Variants in FLT3 observed in about 807,000 individuals in gnomAD.
FLT3 encodes receptor-type tyrosine-protein kinase FLT3.
In FLT3, 46 loss-of-function variants were observed where a neutral mutation model predicts 126.6. The observed-to-expected ratio is 0.36, with a 90% confidence interval of 0.29 to 0.46. The LOEUF (loss-of-function observed/expected upper bound fraction) is 0.46. Ranked by LOEUF, FLT3 falls within the 20% of genes least tolerant of loss-of-function variation. The probability of loss-of-function intolerance (pLI) is 1.00; values close to 1 mark genes in which losing one functional copy is unlikely to be tolerated. For missense variants in FLT3, 1,069 were observed against 1,190.3 expected, an observed-to-expected ratio of 0.90 and a Z score of 1.50; for synonymous variants, 404 against 434.4, an observed-to-expected ratio of 0.93 and a Z score of 0.87.
chr13:28,059,375 G>C (rs1876330148), intron 3 of FLT3, among the ~76,000 whole-genome samples: 1 of 152,134 alleles, frequency 6.6e-6, no homozygotes, highest in African/African-American at 2.4e-5. Context: ...GCATTTAATT[G>C]ACCTATGTCC....
Position 28,032,496 on chromosome 13 carries a change from C to G in FLT3, c.1942+1391G>C, listed in dbSNP as rs1036711061. ...ATGGTGGCGCATGCCTGTAGTCCCC[C>G]CTACTCAGGGGCCTGAAGTGGGAGG... On this transcript the variant is annotated intron_variant, in intron 15 of 23. Coordinates refer to ENST00000241453, the MANE Select transcript of FLT3 (RefSeq NM_004119.3). Among the ~76,000 whole-genome samples, 5 of 152,114 alleles carry G rather than the reference C, an allele frequency of 3.3e-5. No individual in the cohort carries two copies. In the East Asian group the frequency reaches 7.7e-4, roughly 24 times the overall value.
At chr13:28,058,014 G>T (rs1876163743) in intron 3 of FLT3, among the ~76,000 whole-genome samples, 1 of 151,656 alleles carries the variant, frequency 6.6e-6, no homozygotes, top group African/African-American at 2.4e-5. Flanking sequence ...ACTCCAGCCT[G>T]GGTGACAAGA....
At chr13:28,043,060 C>A (rs559707670) in intron 9 of FLT3, among the ~76,000 whole-genome samples, 12 of 152,062 alleles carry the variant, frequency 7.9e-5, no homozygotes, top group Non-Finnish European at 1.3e-4. Context: ...TTAGTGCCTA[C>A]TGTGGGCAAA....
intron 19 of FLT3, among the ~76,000 whole-genome samples, chr13:28,019,116 C>T (rs1025591224): frequency 5.9e-5 from 9 of 151,982 alleles, no homozygotes; most frequent in African/African-American, 9.7e-5. Context: ...TACAGGCACG[C>T]GCCACCAGGC....
Position 28,033,948 on chromosome 13 carries a change from T to C in FLT3, c.1881A>G (p.Ala627=). The change falls in exon 15 of 24, where the codon GCA becomes GCG. Residue 627 remains alanine (A), a synonymous_variant. Transcript: ENST00000241453. ...CTGTTTTGCTAATTCCATAAGCTGT[T>C]GCGTTCATCACTTTTCCAAAAGCAC... ...GSGAFGKVMN[A]TAYGISKTGV... 4 of 1,614,230 alleles carry C rather than the reference T, an allele frequency of 2.5e-6. No homozygotes were observed. The highest frequency in any genetic ancestry group is 3.4e-6 in the Non-Finnish European group (4 of 1,180,040).
At chr13:28,065,112 T>C (rs9554229) in intron 2 of FLT3, among the ~76,000 whole-genome samples, 27,557 of 152,122 alleles carry the variant, frequency 0.18, 2,596 homozygotes, top group Middle Eastern at 0.24. Context: ...CTATGCTATG[T>C]AAGAAAGAGG....
At chr13:28,045,903 T>A (rs1342302149) in intron 9 of FLT3, among the ~76,000 whole-genome samples, 2 of 126,258 alleles carry the variant, frequency 1.6e-5, no homozygotes, top group South Asian at 2.8e-4. Context: ...TTACGATGAC[T>A]GTGGGTTGAT....
In FLT3 at chr13:28,030,734, T is replaced by TAAATA. The variant is rs1245833180; in HGVS notation, c.1943-2451_1943-2447dup. ...ATAAAATAAAGTAAAAATACATAAATAAATAAAATAAAATAAAATAAAAAT... is the reference window on the plus strand; with the variant it reads ...ATAAAATAAAGTAAAAATACATAAATAAATAAAATAAAATAAAATAAAATAAAAAT... On this transcript the variant is annotated intron_variant, in intron 15 of 23. Transcript: ENST00000241453. Among the ~76,000 whole-genome samples the TAAATA allele has an allele frequency of 9.1e-3, 1,373 of 151,568 alleles. 25 individuals are homozygous for TAAATA. The highest frequency in any genetic ancestry group is 0.032 in the African/African-American group (1,306 of 41,290).
chr13:28,073,369 A>T (rs1222137298), intron 1 of FLT3: 1 of 393,412 alleles, frequency 2.5e-6, no homozygotes, highest in Admixed American at 3.4e-5. Context: ...AAAAAAAAAA[A>T]GCATTTTTTA....
At chr13:28,043,254 T>A (rs969332392) in intron 9 of FLT3, among the ~76,000 whole-genome samples, 3 of 151,942 alleles carry the variant, frequency 2.0e-5, no homozygotes, top group Non-Finnish European at 4.4e-5. Context: ...ATTAAGTCTG[T>A]AGAGATAGGA....
chr13:28,006,728 CTTTTTTT>C (rs753656559), intron 23 of FLT3, among the ~76,000 whole-genome samples: 1 of 132,900 alleles, frequency 7.5e-6, no homozygotes, highest in Non-Finnish European at 1.6e-5. Context: ...CCTTTCTTTC[CTTTTTTT>C]TTTTTTTTTT....
chr13:28,093,044 C>T (rs1029725173), intron 1 of FLT3, among the ~76,000 whole-genome samples: 6 of 151,500 alleles, frequency 4.0e-5, no homozygotes, highest in Admixed American at 4.0e-4. Flanking sequence ...GCCTCAGCCT[C>T]CCTAGTAGCT....
At chr13:28,005,528 C>A (rs1870805385) in intron 23 of FLT3, among the ~76,000 whole-genome samples, 1 of 152,040 alleles carries the variant, frequency 6.6e-6, no homozygotes, top group East Asian at 1.9e-4. Flanking sequence ...AGGATGGCCA[C>A]ATATTTTTTT....
intron 1 of FLT3, among the ~76,000 whole-genome samples, chr13:28,086,929 G>T (rs1455507839): frequency 6.6e-6 from 1 of 151,866 alleles, no homozygotes; most frequent in Non-Finnish European, 1.5e-5. Flanking sequence ...TTGCAGGCAT[G>T]AACCACCATG....
chr13:28,032,937 A>C (rs1175884192), intron 15 of FLT3, among the ~76,000 whole-genome samples: 1 of 152,176 alleles, frequency 6.6e-6, no homozygotes, highest in Admixed American at 6.5e-5. Flanking sequence ...TTGCTGGGTC[A>C]GCGGTGGTAA....
At position 28,081,871 on chromosome 13, in the gene FLT3, T is replaced by G. The variant is rs867138546; in HGVS notation, c.44-11259A>C. Among the ~76,000 whole-genome samples, 767 of 132,340 alleles carry G rather than the reference T, an allele frequency of 5.8e-3. 16 individuals are homozygous for G. Among genetic ancestry groups the G allele is most frequent in the African/African-American group, 0.02 (726 of 36,812 alleles). The allele number at this position is 132,340 out of a possible 152,430, so 86.8% of individuals were successfully genotyped here. A position where few individuals can be genotyped will look rare whatever the true frequency, so the allele number is the denominator to read the frequency against. On this transcript the variant is annotated intron_variant, in intron 1 of 23. Transcript: ENST00000241453. Reference sequence around the variant, plus strand: ...TTTTTTTTTTTTTTTTTTTTTTTTTTTGTGAGACACAGTCTTGCTCTGTCG... The same window carrying G: ...TTTTTTTTTTTTTTTTTTTTTTTTTGTGTGAGACACAGTCTTGCTCTGTCG...
chr13:28,015,488 CAAGT>C, intron 21 of FLT3, 98 bp downstream of exon 21: 1 of 683,136 alleles, frequency 1.5e-6, no homozygotes, highest in South Asian at 1.7e-5. Context: ...GGCTGCAATA[CAAGT>C]AAGACCCATC....
chr13:28,097,497 T>C (rs2137838394), intron 1 of FLT3, among the ~76,000 whole-genome samples: 1 of 151,274 alleles, frequency 6.6e-6, no homozygotes, highest in African/African-American at 2.4e-5. Context: ...GCCTTCTTAG[T>C]TATAAAAAGT....
At chr13:28,093,184 C>G (rs1305069026) in intron 1 of FLT3, among the ~76,000 whole-genome samples, 1 of 151,632 alleles carries the variant, frequency 6.6e-6, no homozygotes, top group Non-Finnish European at 1.5e-5. Context: ...CCTTGGCCTC[C>G]CAAACTGCTG....
Sources: allele counts gnomAD v4.1 joint callset (sites outside exome capture counted in the v4.1 genomes callset), GRCh38; gene constraint gnomAD v4.1.1; transcripts MANE v1.5; gene names NCBI Gene and HGNC (gene_info 2026-07-23, HGNC 2026-07-21).